C6orf132: variants seen among roughly 807,000 people sequenced by gnomAD.
C6orf132 encodes the protein uncharacterized protein C6orf132.
In C6orf132, 43 loss-of-function variants were observed where a neutral mutation model predicts 65.3. That is an observed-to-expected ratio of 0.66 (90% CI 0.52 to 0.85). The LOEUF is 0.85. Ranked by LOEUF, C6orf132 falls within the 40% of genes least tolerant of loss-of-function variation. C6orf132 has a pLI of 0.00. For synonymous variants in C6orf132, 631 were observed against 654.1 expected (o/e 0.96, Z 0.54); for missense variants, 1,488 against 1,548.8 (o/e 0.96, Z 0.66).
intron 1 of C6orf132, 130 bp from the exon 2 acceptor site, chr6:42,128,908 T>C: frequency 1.5e-6 from 1 of 649,162 alleles, no homozygotes; most frequent in Admixed American, 2.3e-5. Context: ...TGGATTCAGC[T>C]AAGCGCCTCT....
Position 42,105,533 on chromosome 6 carries a change from C to A in C6orf132, c.2379G>T (p.Gly793=). The A allele has an allele frequency of 6.5e-7, 1 of 1,534,006 alleles. No homozygotes were observed. Among genetic ancestry groups the A allele is most frequent in the Non-Finnish European group, 8.7e-7 (1 of 1,144,972 alleles). ...CCACGGGCTCCCCTGGCCCTGCAGCCCCTCCTCTGGCCAGGGTGGGCATCA... is the reference window on the plus strand; with the variant it reads ...CCACGGGCTCCCCTGGCCCTGCAGCACCTCCTCTGGCCAGGGTGGGCATCA... ...AVVMPTLARG[G]AAGPGEPVEV... The change falls in exon 4 of 5, where the codon GGG becomes GGT. Residue 793 remains glycine (G), a synonymous_variant. Coordinates refer to ENST00000341865, the MANE Select transcript of C6orf132 (RefSeq NM_001164446.3).
rs1461369262 is a variant in C6orf132 at position 42,104,662 on chromosome 6, G to A, written c.3250C>T (p.Arg1084Cys). ...AAGCAGTTGGGAGAGCTCAGGCTGC[G>A]GCCGGTGCCACCGTGGGGTAGCCCT... ...GPGLPHGGTG[R>C]SLSSPNCFGP... The change falls in exon 4 of 5, where the codon CGC (arginine) becomes TGC (cysteine). Residue 1084 changes from arginine to cysteine, a missense_variant. Transcript: ENST00000341865. The surrounding 1 kb of genome is among the most constrained non-coding windows in gnomAD (Gnocchi z 4.1). 2 of 1,493,926 alleles carry A rather than the reference G, an allele frequency of 1.3e-6. No homozygotes were observed. Among genetic ancestry groups the A allele is most frequent in the Non-Finnish European group, 1.8e-6 (2 of 1,130,488 alleles). 92.5% of individuals were successfully genotyped at this position (1,493,926 alleles called of 1,614,324 possible).
At chr6:42,120,584 TAA>T (rs34694221) in intron 2 of C6orf132, among the ~76,000 whole-genome samples, 5 of 149,668 alleles carry the variant, frequency 3.3e-5, no homozygotes, top group Middle Eastern at 3.4e-3. Context: ...CCTTTATAAT[TAA>T]AAAAAAAATA....
intron 2 of C6orf132, among the ~76,000 whole-genome samples, chr6:42,119,323 C>G (rs1387873640): frequency 6.9e-6 from 1 of 144,434 alleles, no homozygotes; most frequent in East Asian, 2.0e-4. Context: ...GTGCAAGCCA[C>G]CATGCCCAGC....
intron 1 of C6orf132, among the ~76,000 whole-genome samples, chr6:42,135,469 G>A (rs1351202420): frequency 6.6e-6 from 1 of 152,198 alleles, no homozygotes; most frequent in Non-Finnish European, 1.5e-5. Context: ...GCCACAGGAC[G>A]CCCAGCCCTT....
In C6orf132 at chr6:42,128,776, C is replaced by T. The variant is rs1265052473; in HGVS notation, c.148G>A (p.Gly50Ser). 1 of 1,550,284 alleles carries T rather than the reference C, an allele frequency of 6.5e-7. No individual in the cohort carries two copies. The highest frequency in any genetic ancestry group is 2.4e-5 in the East Asian group (1 of 40,902). Residue 50 changes from glycine (G) to serine (S), a missense_variant and splice_region_variant, in exon 2 of 5, where the codon GGC (glycine) becomes AGC (serine). Coordinates refer to ENST00000341865, the MANE Select transcript of C6orf132 (RefSeq NM_001164446.3). ...APEEGTGGFD[G>S]IYYGDNRFNT... ...AACCGATTGTCTCCATAATAGATGC[C>T]ATCTAGAGAACACAAGTGAGGGGAC...
At chr6:42,131,134 C>T (rs532286872) in intron 1 of C6orf132, among the ~76,000 whole-genome samples, 2 of 152,336 alleles carry the variant, frequency 1.3e-5, no homozygotes, top group South Asian at 4.1e-4. Context: ...GATCTACCCA[C>T]CTTGGCCTCC....
intron 2 of C6orf132, among the ~76,000 whole-genome samples, chr6:42,121,944 C>T (rs1277737752): frequency 6.6e-6 from 1 of 152,178 alleles, no homozygotes; most frequent in Non-Finnish European, 1.5e-5. Context: ...CAGTTGTTTT[C>T]CTGGCTTAGG....
Position 42,124,996 on chromosome 6 carries a change from C to T in C6orf132, c.252+3676G>A, listed in dbSNP as rs1766742804. ...CATATCATGGGTGGGCTTCAGTCCC[C>T]TGCTGAAATTGTAAGCAAAACTAGA... On this transcript the variant is annotated intron_variant, in intron 2 of 4. Transcript: ENST00000341865. The surrounding 1 kb of genome is among the most constrained non-coding windows in gnomAD (Gnocchi z 4.0). Among the ~76,000 whole-genome samples the T allele has an allele frequency of 6.6e-6, 1 of 152,150 alleles. No homozygotes were observed. The highest frequency in any genetic ancestry group is 1.5e-5 in the Non-Finnish European group (1 of 68,026).
rs67542628 is a variant in C6orf132, at chr6:42,115,934, C to CTT, written c.253-5645_253-5644dup. Among the ~76,000 whole-genome samples the CTT allele has an allele frequency of 7.3e-3, 778 of 106,368 alleles. 17 individuals are homozygous for CTT. Among genetic ancestry groups the CTT allele is most frequent in the African/African-American group, 0.019 (539 of 28,476 alleles). 69.8% of individuals were successfully genotyped at this position (106,368 alleles called of 152,430 possible). ...TTTTTTCTTTTTTCTTTTTCTTTTT[C>CTT]TTTTTTTTTTTTTTTGAGATGGTCT... On this transcript the variant is annotated intron_variant, in intron 2 of 4. Coordinates refer to ENST00000341865, the MANE Select transcript of C6orf132 (RefSeq NM_001164446.3).
chr6:42,107,667 G>C (rs1021946877), intron 3 of C6orf132, 84 bp from the exon 4 acceptor site: 1 of 1,499,646 alleles, frequency 6.7e-7, no homozygotes, highest in Admixed American at 2.0e-5. Flanking sequence ...GCAGGGGCAG[G>C]GGTGGGCACC....
At position 42,107,379 on chromosome 6, in the gene C6orf132, AGCAGCAGGGGAGGTGGT is replaced by A; in HGVS notation, c.516_532del (p.Pro173GlyfsTer35). The A allele has an allele frequency of 1.4e-6, 1 of 709,896 alleles. No individual in the cohort carries two copies. The highest frequency in any genetic ancestry group is 2.1e-6 in the Non-Finnish European group (1 of 486,834). 44.0% of individuals were successfully genotyped at this position (709,896 alleles called of 1,614,324 possible). ...CATGCTGGGCGGGGGTGGGGGTTCC[AGCAGCAGGGGAGGTGGT>A]GGGGGTGCTGTGGAAGGTGGAGATG... On this transcript the variant is annotated frameshift_variant, in exon 4 of 5. Coordinates refer to ENST00000341865, the MANE Select transcript of C6orf132 (RefSeq NM_001164446.3). LOFTEE classifies it high-confidence loss of function.
At chr6:42,128,854 C>T in intron 1 of C6orf132, 76 bp from the exon 2 acceptor site, 1 of 1,080,174 alleles carries the variant, frequency 9.3e-7, no homozygotes. Flanking sequence ...ATCTGCCCTT[C>T]AGCTCCCAGT....
chr6:42,124,943 A>T lies in C6orf132; in HGVS notation c.252+3729T>A, dbSNP rs1161100786. 6.6e-6 allele frequency among the ~76,000 whole-genome samples: 1 copy of T among 152,236 alleles called. No homozygotes were observed. Among genetic ancestry groups the T allele is most frequent in the Non-Finnish European group, 1.5e-5 (1 of 68,042 alleles). On this transcript the variant is annotated intron_variant, in intron 2 of 4. Transcript: ENST00000341865. The surrounding 1 kb of genome is among the most constrained non-coding windows in gnomAD (Gnocchi z 4.0). ...CAGAAGAGTCCCTGTGATGTGGGCC[A>T]CTGGGCCAAGGGTTCCTAATCTAAA...
chr6:42,124,057 G>T lies in C6orf132; in HGVS notation c.252+4615C>A, dbSNP rs1048610382. ...TTAGGAAGTCATTTTAACACAGAAA[G>T]TCGTGGCTGGGGAGACCCTTGAGGA... On this transcript the variant is annotated intron_variant, in intron 2 of 4. Coordinates refer to ENST00000341865, the MANE Select transcript of C6orf132 (RefSeq NM_001164446.3). The surrounding 1 kb of genome is among the most constrained non-coding windows in gnomAD (Gnocchi z 4.0). Among the ~76,000 whole-genome samples the T allele has an allele frequency of 6.6e-6, 1 of 152,234 alleles. No individual in the cohort carries two copies. Among genetic ancestry groups the T allele is most frequent in the African/African-American group, 2.4e-5 (1 of 41,466 alleles).
intron 2 of C6orf132, among the ~76,000 whole-genome samples, chr6:42,117,219 T>C (rs1436747434): frequency 1.3e-5 from 2 of 152,242 alleles, no homozygotes; most frequent in Non-Finnish European, 2.9e-5. Context: ...ATCTACTAGG[T>C]GCAAGGCACT....
intron 1 of C6orf132, among the ~76,000 whole-genome samples, chr6:42,136,376 A>G (rs1453312607): frequency 2.0e-5 from 3 of 152,144 alleles, no homozygotes; most frequent in African/African-American, 7.2e-5. Flanking sequence ...TGGGGCCCCA[A>G]ATTGCCAGGA....
At chr6:42,109,942 A>G (rs1242441689) in intron 3 of C6orf132, among the ~76,000 whole-genome samples, 1 of 152,194 alleles carries the variant, frequency 6.6e-6, no homozygotes, top group Non-Finnish European at 1.5e-5. Context: ...CTTCCACTTT[A>G]TGCTGCACTT....
intron 2 of C6orf132, chr6:42,126,707 G>A (rs1418838855): frequency 3.2e-6 from 1 of 316,660 alleles, no homozygotes; most frequent in African/African-American, 2.2e-5. Flanking sequence ...GCCGGGCATG[G>A]TGGTGGGCAC....
Sources: gnomAD v4.1 joint callset for allele counts (sites outside exome capture counted in the v4.1 genomes callset) on GRCh38, gnomAD v4.1.1 for gene constraint, Gnocchi (gnomAD v3.1) non-coding constraint, MANE v1.5 for transcripts, NCBI Gene and HGNC (gene_info 2026-07-23, HGNC 2026-07-21) for gene names.